CNTN6: variants seen among roughly 807,000 people sequenced by gnomAD.
CNTN6 encodes contactin 6.
In CNTN6, 137 loss-of-function variants were observed where a neutral mutation model predicts 122.8. The ratio of observed to expected loss-of-function variants is 1.12; its 90% CI spans 0.97 to 1.29. CNTN6 has a LOEUF of 1.29. Ranked by LOEUF, CNTN6 falls within the 50% of genes most tolerant of loss-of-function variation. The pLI is 0.00. For synonymous variants in CNTN6, 570 were observed against 426.0 expected, an observed-to-expected ratio of 1.34 and a Z score of -4.16; for missense variants, 1,634 against 1,223.4, an observed-to-expected ratio of 1.34 and a Z score of -5.01.
chr3:1,290,528 G>A (rs1392259029), intron 5 of CNTN6, among the ~76,000 whole-genome samples: 1 of 152,136 alleles, frequency 6.6e-6, no homozygotes, highest in Admixed American at 6.5e-5. Context: ...TATGGGAAAG[G>A]GGTTCAGATC....
chr3:1,296,039 T>G (rs1439495614), intron 6 of CNTN6, among the ~76,000 whole-genome samples: 1 of 152,184 alleles, frequency 6.6e-6, no homozygotes, highest in Non-Finnish European at 1.5e-5. Flanking sequence ...TGAAACAGCT[T>G]GTCTTTTTTT....
At chr3:1,099,051 T>C (rs2090709538) in intron 1 of CNTN6, among the ~76,000 whole-genome samples, 1 of 151,668 alleles carries the variant, frequency 6.6e-6, no homozygotes, top group Admixed American at 6.6e-5. Context: ...TATGTATGCC[T>C]ATATAAAATA....
chr3:1,167,615 G>A (rs777873815), intron 2 of CNTN6, among the ~76,000 whole-genome samples: 11 of 151,942 alleles, frequency 7.2e-5, no homozygotes, highest in Non-Finnish European at 1.3e-4. Context: ...TAAACATACC[G>A]TAAGTCCCTC....
intron 1 of CNTN6, among the ~76,000 whole-genome samples, chr3:1,102,943 C>G (rs1043179572): frequency 1.4e-5 from 2 of 146,966 alleles, no homozygotes; most frequent in Admixed American, 1.4e-4. Flanking sequence ...CCGTCTCTAC[C>G]AAAAATACAA....
At chr3:1,335,783 C>A (rs1029153274) in intron 11 of CNTN6, among the ~76,000 whole-genome samples, 6 of 152,110 alleles carry the variant, frequency 3.9e-5, no homozygotes, top group Non-Finnish European at 8.8e-5. Flanking sequence ...AATCCCAGCA[C>A]TTTGGGAGGC....
At chr3:1,332,888 G>A (rs1461674565) in intron 11 of CNTN6, among the ~76,000 whole-genome samples, 1 of 151,924 alleles carries the variant, frequency 6.6e-6, no homozygotes, top group African/African-American at 2.4e-5. Flanking sequence ...TTTTTCAAAA[G>A]AGTATTGACA....
chr3:1,274,535 T>C (rs1317825208), intron 4 of CNTN6, among the ~76,000 whole-genome samples: 2 of 152,160 alleles, frequency 1.3e-5, no homozygotes, highest in Non-Finnish European at 2.9e-5. Context: ...ACTTTCTCAA[T>C]TTACATATCA....
At chr3:1,346,421 T>C (rs1392662882) in intron 11 of CNTN6, among the ~76,000 whole-genome samples, 4 of 152,158 alleles carry the variant, frequency 2.6e-5, no homozygotes, top group African/African-American at 9.7e-5. Flanking sequence ...AGTGAGTTCT[T>C]GCTCTCTTGA....
intron 5 of CNTN6, among the ~76,000 whole-genome samples, chr3:1,286,002 C>T (rs12330271): frequency 0.01 from 1,561 of 152,178 alleles, 31 homozygotes; most frequent in African/African-American, 0.036. Flanking sequence ...TCTTTAAGTC[C>T]CATGCTGCAC....
At position 1,403,314 on chromosome 3, in the gene CNTN6, G is replaced by T; in HGVS notation, c.2987-4G>T. The T allele has an allele frequency of 1.3e-6, 2 of 1,579,386 alleles. No individual in the cohort carries two copies. Among genetic ancestry groups the T allele is most frequent in the Non-Finnish European group, 1.7e-6 (2 of 1,155,840 alleles). On this transcript the variant is annotated splice_polypyrimidine_tract_variant and splice_region_variant and intron_variant, in intron 22 of 22. Coordinates refer to ENST00000446702, the MANE Select transcript of CNTN6 (RefSeq NM_001289080.2). ...TATTTTTGTCTTATTTTTATATTTT[G>T]CAGGTTTGAGTTCCAGAGGAATTCA...
At chr3:1,360,878 C>G (rs1433124178) in intron 12 of CNTN6, among the ~76,000 whole-genome samples, 1 of 152,050 alleles carries the variant, frequency 6.6e-6, no homozygotes, top group African/African-American at 2.4e-5. Flanking sequence ...TAATGACAGT[C>G]TGCACTGACA....
intron 1 of CNTN6, among the ~76,000 whole-genome samples, chr3:1,129,415 C>G (rs1162710433): frequency 6.6e-6 from 1 of 151,968 alleles, no homozygotes; most frequent in Admixed American, 6.6e-5. Flanking sequence ...AAGTGAAATA[C>G]AGAAATTGTA....
At chr3:1,317,302 C>T (rs187628476) in intron 7 of CNTN6, among the ~76,000 whole-genome samples, 115 of 151,794 alleles carry the variant, frequency 7.6e-4, no homozygotes, top group African/African-American at 2.7e-3. Context: ...GAGGAATCCA[C>T]CATATCATGT....
chr3:1,381,627 A>C (rs947870376), intron 17 of CNTN6, among the ~76,000 whole-genome samples: 2 of 152,112 alleles, frequency 1.3e-5, no homozygotes, highest in African/African-American at 4.8e-5. Context: ...ATAGTCTCTC[A>C]TGCTTATGCC....
chr3:1,126,053 G>A (rs2092147583), intron 1 of CNTN6, among the ~76,000 whole-genome samples: 1 of 151,720 alleles, frequency 6.6e-6, no homozygotes, highest in African/African-American at 2.4e-5. Flanking sequence ...ATTCTCCTAG[G>A]CCTAAGAATC....
At chr3:1,334,314 G>T (rs548780004) in intron 11 of CNTN6, among the ~76,000 whole-genome samples, 5 of 151,908 alleles carry the variant, frequency 3.3e-5, no homozygotes, top group Non-Finnish European at 5.9e-5. Context: ...CACGGGTTGT[G>T]GTCTCAGATC....
At chr3:1,365,998 G>T (rs530473300) in intron 12 of CNTN6, among the ~76,000 whole-genome samples, 24 of 152,208 alleles carry the variant, frequency 1.6e-4, no homozygotes, top group African/African-American at 5.3e-4. Context: ...GGGAACATTT[G>T]TCAAAGCATG....
At chr3:1,247,961 C>G (rs576243907) in intron 4 of CNTN6, among the ~76,000 whole-genome samples, 1 of 152,094 alleles carries the variant, frequency 6.6e-6, no homozygotes, top group Admixed American at 6.5e-5. Context: ...TCAATAGATT[C>G]TCTAAAATGC....
chr3:1,309,660 T>C (rs1210379526), intron 7 of CNTN6, among the ~76,000 whole-genome samples: 1 of 152,184 alleles, frequency 6.6e-6, no homozygotes, highest in African/African-American at 2.4e-5. Context: ...TTTGTCTATA[T>C]CCATGAAATA....
Sources: gnomAD v4.1 joint callset for allele counts (sites outside exome capture counted in the v4.1 genomes callset) on GRCh38, gnomAD v4.1.1 for gene constraint, MANE v1.5 for transcripts, NCBI Gene and HGNC (gene_info 2026-07-23, HGNC 2026-07-21) for gene names.